MARK3: variants seen among roughly 807,000 people sequenced by gnomAD.
MARK3 encodes MAP/microtubule affinity-regulating kinase 3.
In MARK3, 46 loss-of-function variants were observed where a neutral mutation model predicts 90.1. That is an observed-to-expected ratio of 0.51 (90% confidence interval 0.40 to 0.65). MARK3 has a LOEUF of 0.65. MARK3 is among the 30% of genes least tolerant of loss of function. MARK3 has a pLI of 0.00. For missense variants in MARK3, 818 were observed against 947.2 expected (o/e 0.86, Z 1.79); for synonymous variants, 321 against 332.6 (o/e 0.97, Z 0.38).
intron 7 of MARK3, among the ~76,000 whole-genome samples, chr14:103,465,141 T>G (rs529196354): frequency 1.3e-5 from 2 of 152,080 alleles, no homozygotes; most frequent in Non-Finnish European, 2.9e-5. Context: ...CTGATTTTTG[T>G]ATTTTTAGTA....
At chr14:103,396,613 A>C (rs1375038803) in intron 1 of MARK3, among the ~76,000 whole-genome samples, 2 of 152,106 alleles carry the variant, frequency 1.3e-5, no homozygotes, top group Non-Finnish European at 2.9e-5. Flanking sequence ...CTTCTTGAAA[A>C]ATTGGCGGTA....
chr14:103,480,624 T>C, intron 14 of MARK3, 134 bp downstream of exon 14: 1 of 587,150 alleles, frequency 1.7e-6, no homozygotes, highest in South Asian at 2.3e-5. Flanking sequence ...GTTAAATTTG[T>C]ATACTAATTT....
chr14:103,422,951 G>A (rs1049663752), intron 2 of MARK3, among the ~76,000 whole-genome samples: 4 of 152,102 alleles, frequency 2.6e-5, no homozygotes, highest in Non-Finnish European at 4.4e-5. Context: ...AAGTGAAGTC[G>A]TAGTATGAAT....
At chr14:103,395,330 G>T (rs2090511848) in intron 1 of MARK3, among the ~76,000 whole-genome samples, 1 of 144,852 alleles carries the variant, frequency 6.9e-6, no homozygotes, top group African/African-American at 2.5e-5. Context: ...GTGCCTCATG[G>T]TTTTTTTTTT....
intron 1 of MARK3, among the ~76,000 whole-genome samples, chr14:103,397,426 A>T (rs1175259525): frequency 6.6e-6 from 1 of 150,752 alleles, no homozygotes; most frequent in African/African-American, 2.4e-5. Flanking sequence ...TCCCAGGTTC[A>T]AACGATTCTC....
intron 6 of MARK3, among the ~76,000 whole-genome samples, chr14:103,461,496 A>G (rs1244640874): frequency 3.3e-5 from 5 of 152,234 alleles, no homozygotes; most frequent in African/African-American, 1.2e-4. Flanking sequence ...TAGTGCACGT[A>G]GTAGTTTTCA....
At chr14:103,463,772 A>G (rs2093447355) in intron 7 of MARK3, among the ~76,000 whole-genome samples, 1 of 152,210 alleles carries the variant, frequency 6.6e-6, no homozygotes, top group Non-Finnish European at 1.5e-5. Flanking sequence ...AGGAAACACA[A>G]ATAAGATGGT....
chr14:103,466,247 G>A lies in MARK3; in HGVS notation c.898-96G>A, dbSNP rs1437827189. 1.1e-5 allele frequency: 14 copies of A among 1,287,320 alleles called. No individual in the cohort carries two copies. The East Asian group carries it at 1.9e-4, about 18-fold the overall frequency. 79.7% of individuals were successfully genotyped at this position (1,287,320 alleles called of 1,614,324 possible). A position where few individuals can be genotyped will look rare whatever the true frequency, so the allele number is the denominator to read the frequency against. Reference sequence around the variant, plus strand: ...TATTTTTTGAGTTTATGCTTTGAACGATAGTCAATGAAATGTTGAAAATAA... The same window carrying A: ...TATTTTTTGAGTTTATGCTTTGAACAATAGTCAATGAAATGTTGAAAATAA... On this transcript the variant is annotated intron_variant, in intron 9 of 17. Coordinates refer to ENST00000429436, the MANE Select transcript of MARK3 (RefSeq NM_001128918.3).
intron 6 of MARK3, among the ~76,000 whole-genome samples, chr14:103,457,984 G>T (rs939635210): frequency 1.3e-5 from 2 of 152,128 alleles, no homozygotes; most frequent in African/African-American, 4.8e-5. Flanking sequence ...TAGGAGACCT[G>T]CCATAGACTC....
intron 2 of MARK3, among the ~76,000 whole-genome samples, chr14:103,425,809 C>T (rs1462116571): frequency 2.0e-5 from 3 of 152,188 alleles, no homozygotes; most frequent in Non-Finnish European, 4.4e-5. Flanking sequence ...GATTTGCTTC[C>T]TCCTGAAAAT....
intron 3 of MARK3, among the ~76,000 whole-genome samples, chr14:103,431,562 C>T (rs28496120): frequency 0.34 from 51,006 of 151,978 alleles, 8,895 homozygotes; most frequent in Middle Eastern, 0.45. Flanking sequence ...ACCCAGGAGG[C>T]GACAGAACAA....
rs372468049 is a variant in MARK3, at chr14:103,468,789, CT to C, written c.1264+620del. ...ACCTCTGCTTTAATCTGTAGTTTTC[CT>C]TTTTTTTTTTTTTTTTAAATGGAGA... On this transcript the variant is annotated intron_variant, in intron 12 of 17. Transcript: ENST00000429436. Among the ~76,000 whole-genome samples the C allele has an allele frequency of 5.4e-3, 747 of 138,562 alleles. 8 individuals are homozygous for C. The highest frequency in any genetic ancestry group is 0.039 in the East Asian group (185 of 4,782). 90.9% of individuals were successfully genotyped at this position (138,562 alleles called of 152,430 possible). A position where few individuals can be genotyped will look rare whatever the true frequency, so the allele number is the denominator to read the frequency against.
rs11850524 is a variant in MARK3 at position 103,497,647 on chromosome 14, A to G, written c.1845-855A>G. Among the ~76,000 whole-genome samples, 424 of 152,332 alleles carry G rather than the reference A, an allele frequency of 2.8e-3. 3 individuals carry two copies. Among genetic ancestry groups the G allele is most frequent in the African/African-American group, 9.8e-3 (408 of 41,568 alleles). ...TTTGAGATCTAAGACTGAAAAGTCT[A>G]CTTGTTTAAATCCCCAATCACCTAT... On this transcript the variant is annotated intron_variant, in intron 15 of 17. Coordinates refer to ENST00000429436, the MANE Select transcript of MARK3 (RefSeq NM_001128918.3).
chr14:103,400,008 A>C (rs917840193), intron 1 of MARK3, among the ~76,000 whole-genome samples: 4 of 151,278 alleles, frequency 2.6e-5, no homozygotes, highest in African/African-American at 7.3e-5. Flanking sequence ...AGCTCACTGC[A>C]ACTGTCGCCT....
chr14:103,474,760 C>T (rs2093687410), intron 12 of MARK3, among the ~76,000 whole-genome samples: 1 of 150,134 alleles, frequency 6.7e-6, no homozygotes, highest in African/African-American at 2.5e-5. Context: ...TAAACTCTTA[C>T]TATTAAAAAA....
chr14:103,448,380 A>AT (rs1239334920), intron 3 of MARK3, among the ~76,000 whole-genome samples: 1 of 152,200 alleles, frequency 6.6e-6, no homozygotes, highest in Non-Finnish European at 1.5e-5. Flanking sequence ...GGCATGACTC[A>AT]TGAGGGTCAC....
At chr14:103,451,348 T>TA (rs2093142850) in intron 4 of MARK3, among the ~76,000 whole-genome samples, 2 of 151,952 alleles carry the variant, frequency 1.3e-5, no homozygotes, top group South Asian at 4.1e-4. Flanking sequence ...ATGATTCTTA[T>TA]AAAAAAGATT....
In MARK3 at chr14:103,487,876, G is replaced by A. The variant is rs534783563; in HGVS notation, c.1587-3901G>A. Among the ~76,000 whole-genome samples, 27 of 152,102 alleles carry A rather than the reference G, an allele frequency of 1.8e-4. No homozygotes were observed. The South Asian group carries it at 5.6e-3, about 32-fold the overall frequency. ...ACCCTGGCTAACATGGTGAAATCCC[G>A]TCTCTACGAAAAATACAAAAAATTA... On this transcript the variant is annotated intron_variant, in intron 14 of 17. Transcript: ENST00000429436.
At chr14:103,414,354 T>C (rs572046682) in intron 2 of MARK3, among the ~76,000 whole-genome samples, 1 of 152,154 alleles carries the variant, frequency 6.6e-6, no homozygotes, top group Non-Finnish European at 1.5e-5. Flanking sequence ...TACAGGCATG[T>C]GCCACCATGC....
Sources: allele counts gnomAD v4.1 joint callset (sites outside exome capture counted in the v4.1 genomes callset), GRCh38; gene constraint gnomAD v4.1.1; transcripts MANE v1.5; gene names NCBI Gene and HGNC (gene_info 2026-07-23, HGNC 2026-07-21).